SLC25A48: variants seen among roughly 807,000 people sequenced by gnomAD.
SLC25A48 encodes CTC-321K16.1.
In SLC25A48, 29 loss-of-function variants were observed where a neutral mutation model predicts 32.2. That is an observed-to-expected ratio of 0.90 (90% CI 0.67 to 1.23). The LOEUF is 1.23. SLC25A48 is among the 50% of genes most tolerant of loss of function. The probability of loss-of-function intolerance (pLI) is 0.00; values close to 1 mark genes in which losing one functional copy is unlikely to be tolerated. For missense variants in SLC25A48, 399 were observed against 422.7 expected (o/e 0.94, Z 0.49); for synonymous variants, 164 against 172.3 (o/e 0.95, Z 0.38).
In SLC25A48 at chr5:135,587,613, A is replaced by C. The variant is rs149102824; in HGVS notation, c.-849+8016A>C. The stretch of plus-strand genomic sequence containing the variant: ...GAACAGGGTCCAAGGTGTTCCTCAG[A>C]GGATTTACCTGCCAGGTAAATACTA... On this transcript the variant is annotated intron_variant, in intron 1 of 10. Coordinates refer to the SLC25A48 transcript ENST00000646290. Among the ~76,000 whole-genome samples the C allele has an allele frequency of 2.8e-3, 421 of 152,336 alleles. 1 individual carries two copies. The highest frequency in any genetic ancestry group is 9.3e-3 in the African/African-American group (386 of 41,584).
chr5:135,884,287 A>T, intron 7 of SLC25A48, among the ~76,000 whole-genome samples: 1 of 152,206 alleles, frequency 6.6e-6, no homozygotes, highest in East Asian at 1.9e-4. Flanking sequence ...AAGAGTTGAA[A>T]GTGTTCCGTC....
At chr5:135,768,249 T>G (rs1756300799) in intron 3 of SLC25A48, among the ~76,000 whole-genome samples, 1 of 148,522 alleles carries the variant, frequency 6.7e-6, no homozygotes, top group South Asian at 2.2e-4. Context: ...ATGATATTAC[T>G]CCCAGTATTG....
intron 3 of SLC25A48, among the ~76,000 whole-genome samples, chr5:135,796,319 G>A (rs1344605737): frequency 6.6e-6 from 1 of 151,578 alleles, no homozygotes; most frequent in African/African-American, 2.4e-5. Flanking sequence ...CCATATTGTG[G>A]GGGGTGTGCA....
intron 3 of SLC25A48, among the ~76,000 whole-genome samples, chr5:135,755,633 G>T (rs560519894): frequency 2.0e-5 from 3 of 151,424 alleles, no homozygotes; most frequent in Non-Finnish European, 4.4e-5. Context: ...ATGAAATATC[G>T]CTGTGATATT....
chr5:135,758,822 TATG>T (rs1755988391), intron 3 of SLC25A48, among the ~76,000 whole-genome samples: 1 of 150,744 alleles, frequency 6.6e-6, no homozygotes, highest in African/African-American at 2.4e-5. Context: ...GTTAACACAC[TATG>T]ATATTAATAG....
chr5:135,633,238 A>G (rs1441999601), intron 2 of SLC25A48, among the ~76,000 whole-genome samples: 1 of 152,122 alleles, frequency 6.6e-6, no homozygotes, highest in Non-Finnish European at 1.5e-5. Context: ...GGCTGGAAGA[A>G]CTGTGTGCTT....
intron 3 of SLC25A48, among the ~76,000 whole-genome samples, chr5:135,725,113 A>T (rs1755058808): frequency 2.0e-5 from 3 of 152,266 alleles, no homozygotes; most frequent in African/African-American, 2.4e-5. Flanking sequence ...AGAAGCAGAG[A>T]CTGCTACAGG....
At chr5:135,586,547 G>T (rs1225077605) in intron 1 of SLC25A48, among the ~76,000 whole-genome samples, 1 of 152,044 alleles carries the variant, frequency 6.6e-6, no homozygotes, top group Non-Finnish European at 1.5e-5. Flanking sequence ...GAGCCTTCTG[G>T]GTCTGCCATG....
At chr5:135,706,149 C>T (rs537450301) in intron 3 of SLC25A48, among the ~76,000 whole-genome samples, 1 of 152,320 alleles carries the variant, frequency 6.6e-6, no homozygotes, top group East Asian at 1.9e-4. Context: ...CCTGGGTAAA[C>T]ATAGCCTTTC....
At chr5:135,610,898 T>C (rs1045707812) in intron 1 of SLC25A48, among the ~76,000 whole-genome samples, 1 of 152,190 alleles carries the variant, frequency 6.6e-6, no homozygotes, top group African/African-American at 2.4e-5. Flanking sequence ...TAGAATTTTC[T>C]AATTTAGAGG....
chr5:135,852,707 C>A lies in SLC25A48; in HGVS notation c.307C>A (p.Leu103Met). Residue 103 changes from leucine (L) to methionine (M), a missense_variant, in exon 4 of 8, where the codon CTG becomes ATG. Coordinates refer to ENST00000681962, the MANE Select transcript of SLC25A48 (RefSeq NM_001349336.2). The stretch of plus-strand genomic sequence containing the variant: ...GCCAGAGGCCAGTCCTCCCCGCACG[C>A]TGTCAGACCTGCTCCTGGCCAGCAT... ...GEPEASPPRTLSDLLLASMVA... is the reference protein window; with the variant it reads ...GEPEASPPRTMSDLLLASMVA... 1 of 1,614,190 alleles carries A rather than the reference C, an allele frequency of 6.2e-7. No individual in the cohort carries two copies. The highest frequency in any genetic ancestry group is 8.5e-7 in the Non-Finnish European group (1 of 1,180,036).
chr5:135,608,261 A>G (rs1043270674), intron 1 of SLC25A48, among the ~76,000 whole-genome samples: 13 of 152,178 alleles, frequency 8.5e-5, no homozygotes, highest in African/African-American at 3.1e-4. Context: ...AGGAGAAATC[A>G]TATGGTTTTC....
intron 1 of SLC25A48, among the ~76,000 whole-genome samples, chr5:135,628,853 C>T (rs11749455): frequency 0.12 from 18,721 of 152,088 alleles, 1,482 homozygotes; most frequent in African/African-American, 0.23. Context: ...GGGCGGGATT[C>T]GAAATACATC....
chr5:135,873,467 GCT>G (rs1761819225), intron 5 of SLC25A48, among the ~76,000 whole-genome samples: 1 of 152,134 alleles, frequency 6.6e-6, no homozygotes, highest in South Asian at 2.1e-4. Flanking sequence ...AGCTGTCCCT[GCT>G]CTCTTTTTGC....
At chr5:135,820,360 T>C (rs1455740947) in intron 4 of SLC25A48, among the ~76,000 whole-genome samples, 1 of 152,188 alleles carries the variant, frequency 6.6e-6, no homozygotes, top group East Asian at 1.9e-4. Flanking sequence ...AATGAATCTA[T>C]AGTATCAAAA....
At chr5:135,793,703 G>A (rs965256381) in intron 3 of SLC25A48, among the ~76,000 whole-genome samples, 5 of 151,456 alleles carry the variant, frequency 3.3e-5, no homozygotes, top group African/African-American at 1.2e-4. Flanking sequence ...TAATATCCTG[G>A]GGAGATATTA....
At position 135,709,195 on chromosome 5, in the gene SLC25A48, C is replaced by T. The variant is rs187940923; in HGVS notation, c.-521+74239C>T. Among the ~76,000 whole-genome samples, 359 of 152,346 alleles carry T rather than the reference C, an allele frequency of 2.4e-3. 2 individuals are homozygous for T. The highest frequency in any genetic ancestry group is 8.4e-3 in the African/African-American group (349 of 41,570). On this transcript the variant is annotated intron_variant, in intron 3 of 10. Transcript: ENST00000646290. The stretch of plus-strand genomic sequence containing the variant: ...CAGCCCCTGAGCCCACACCAGCTCC[C>T]TGCACTGCATTGTCCTGCTGCCCAC...
At chr5:135,794,722 G>C (rs1366634623) in intron 3 of SLC25A48, among the ~76,000 whole-genome samples, 1 of 151,054 alleles carries the variant, frequency 6.6e-6, no homozygotes, top group Non-Finnish European at 1.5e-5. Context: ...ATATCACAGG[G>C]CGTATACACC....
In SLC25A48 at chr5:135,597,194, A is replaced by G. The variant is rs115888724; in HGVS notation, c.-849+17597A>G. Among the ~76,000 whole-genome samples, 485 of 152,336 alleles carry G rather than the reference A, an allele frequency of 3.2e-3. 2 individuals carry two copies. Among genetic ancestry groups the G allele is most frequent in the African/African-American group, 0.011 (437 of 41,568 alleles). ...TACAGCTCATAGAGTAGTGCCAGGCACATATCTCTATCTCTATCTCAGACT... is the reference window on the plus strand; with the variant it reads ...TACAGCTCATAGAGTAGTGCCAGGCGCATATCTCTATCTCTATCTCAGACT... On this transcript the variant is annotated intron_variant, in intron 1 of 10. Coordinates refer to the SLC25A48 transcript ENST00000646290.
Sources: gnomAD v4.1 joint callset for allele counts (sites outside exome capture counted in the v4.1 genomes callset) on GRCh38, gnomAD v4.1.1 for gene constraint, MANE v1.5 for transcripts, NCBI Gene and HGNC (gene_info 2026-07-23, HGNC 2026-07-21) for gene names.